SYBU: variants seen among roughly 807,000 people sequenced by gnomAD.
SYBU encodes the protein syntabulin, also known as GOLSYN A protein.
A neutral mutation model predicts 35.9 loss-of-function variants in SYBU; 21 were observed. The ratio of observed to expected loss-of-function variants is 0.58; its 90% CI spans 0.41 to 0.84. The LOEUF is 0.84. Ranked by LOEUF, SYBU falls within the 40% of genes least tolerant of loss-of-function variation. SYBU has a pLI of 0.00. For missense variants in SYBU, 768 were observed against 848.2 expected, an observed-to-expected ratio of 0.91 and a Z score of 1.17; for synonymous variants, 319 against 324.3, an observed-to-expected ratio of 0.98 and a Z score of 0.18.
intron 2 of SYBU, among the ~76,000 whole-genome samples, chr8:109,637,814 A>G (rs1200375625): frequency 6.6e-6 from 1 of 152,200 alleles, no homozygotes; most frequent in Non-Finnish European, 1.5e-5. Context: ...GGCACCAGTC[A>G]GGTTATAATT....
chr8:109,678,661 G>A (rs566142305), intron 1 of SYBU, among the ~76,000 whole-genome samples: 6 of 151,946 alleles, frequency 3.9e-5, no homozygotes, highest in South Asian at 4.2e-4. Context: ...GGATGGTCTC[G>A]ATCTCCTGAC....
In SYBU at chr8:109,652,167, T is replaced by A. The variant is rs377039266; in HGVS notation, c.-129+28544A>T. Among the ~76,000 whole-genome samples, 31 of 152,338 alleles carry A rather than the reference T, an allele frequency of 2.0e-4. No individual in the cohort carries two copies. In the South Asian group the frequency reaches 2.7e-3, roughly 13 times the overall value. On this transcript the variant is annotated intron_variant, in intron 1 of 5. Transcript: ENST00000408889. ...CAGCTGATAAACTATTCAGTGTGTT[T>A]GCATGAGATCTGGACACCCAGAGGG...
chr8:109,655,046 A>G (rs183144199), intron 1 of SYBU, among the ~76,000 whole-genome samples: 4 of 152,264 alleles, frequency 2.6e-5, no homozygotes, highest in Admixed American at 2.0e-4. Context: ...TCTAGCCTCA[A>G]ATGAAATCTT....
chr8:109,644,369 T>G (rs1808765626), intron 1 of SYBU: 2 of 611,762 alleles, frequency 3.3e-6, no homozygotes, highest in Non-Finnish European at 5.9e-6. Flanking sequence ...AACTGAAAGC[T>G]ACACCCCACA....
rs1821948000 is a variant in SYBU at position 109,574,116 on chromosome 8, A to G, written c.*790T>C. ...ATTTTTACAGACCCCCTATTGATAA[A>G]GATGTAAGATCTGCTATTCATTGTC... is the stretch of plus-strand genomic sequence containing the variant. On this transcript the variant is annotated 3_prime_UTR_variant, in exon 7 of 7. Transcript: ENST00000276646. 6.6e-6 allele frequency: 1 copy of G among 152,212 alleles called. No individual in the cohort carries two copies. Among genetic ancestry groups the G allele is most frequent in the South Asian group, 2.1e-4 (1 of 4,830 alleles). The allele number at this position is 152,212 out of a possible 1,614,324, so 9.4% of individuals were successfully genotyped here. A position where few individuals can be genotyped will look rare whatever the true frequency, so the allele number is the denominator to read the frequency against.
At chr8:109,669,822 C>T (rs568536330) in intron 1 of SYBU, among the ~76,000 whole-genome samples, 405 of 152,296 alleles carry the variant, frequency 2.7e-3, no homozygotes, top group Non-Finnish European at 4.4e-3. Context: ...ATTGACATAA[C>T]CTGGATCCTA....
At chr8:109,640,723 GAAAT>G (rs1814758066) in intron 2 of SYBU, among the ~76,000 whole-genome samples, 2 of 144,078 alleles carry the variant, frequency 1.4e-5, no homozygotes, top group African/African-American at 5.2e-5. Flanking sequence ...CAAATATAAA[GAAAT>G]AAGTTTTAAA....
intron 3 of SYBU, among the ~76,000 whole-genome samples, chr8:109,612,008 A>C (rs1206550793): frequency 6.6e-6 from 1 of 151,796 alleles, no homozygotes; most frequent in Non-Finnish European, 1.5e-5. Flanking sequence ...TAATTTTAAC[A>C]CTCTCCTAGT....
chr8:109,667,292 A>AT (rs1406873534), intron 1 of SYBU, among the ~76,000 whole-genome samples: 1 of 151,776 alleles, frequency 6.6e-6, no homozygotes, highest in Non-Finnish European at 1.5e-5. Flanking sequence ...AATTTTTTGT[A>AT]TTTTTAGTAG....
chr8:109,642,787 A>C lies in SYBU; in HGVS notation c.170T>G (p.Phe57Cys), dbSNP rs776706453. 6.2e-7 allele frequency: 1 copy of C among 1,613,760 alleles called. No individual in the cohort carries two copies. The highest frequency in any genetic ancestry group is 1.1e-5 in the South Asian group (1 of 91,014). The change falls in exon 2 of 7, where the codon TTC becomes TGC. Residue 57 changes from phenylalanine to cysteine, a missense_variant. Transcript: ENST00000276646. Reference sequence around the variant, plus strand: ...TGAGCGCCCAGAGCTGCTGGGGTTGAACTCTCTGCTCTCTTCCTCAGAGAA... The same window carrying C: ...TGAGCGCCCAGAGCTGCTGGGGTTGCACTCTCTGCTCTCTTCCTCAGAGAA... ...SPFSEEESRE[F>C]NPSSSGRSAR...
chr8:109,610,260 G>A (rs745779700), intron 3 of SYBU, among the ~76,000 whole-genome samples: 15 of 152,138 alleles, frequency 9.9e-5, no homozygotes, highest in Non-Finnish European at 1.8e-4. Flanking sequence ...TCTCCCCCAC[G>A]TTAAAGGTAG....
At chr8:109,582,395 A>G (rs1352101269) in intron 4 of SYBU, among the ~76,000 whole-genome samples, 1 of 152,220 alleles carries the variant, frequency 6.6e-6, no homozygotes, top group African/African-American at 2.4e-5. Flanking sequence ...AGACACTGAG[A>G]TTCCATGTTT....
chr8:109,593,402 G>A (rs949274897), intron 3 of SYBU, among the ~76,000 whole-genome samples: 27 of 152,152 alleles, frequency 1.8e-4, no homozygotes, highest in Non-Finnish European at 2.9e-4. Context: ...GTACCCCCAC[G>A]GCTCTCCAGA....
chr8:109,593,266 C>T (rs79307138), intron 3 of SYBU, among the ~76,000 whole-genome samples: 3,745 of 152,262 alleles, frequency 0.025, 147 homozygotes, highest in African/African-American at 0.084. Context: ...ATTGCAAGAG[C>T]TCTCTTCAGT....
upstream of SYBU, among the ~76,000 whole-genome samples, chr8:109,684,292 C>T (rs1817469430): frequency 6.6e-6 from 1 of 150,968 alleles, no homozygotes; most frequent in African/African-American, 2.4e-5. Context: ...AGCTAAGCTA[C>T]TAAATCTGTT....
rs746937515 is a variant in SYBU at position 109,578,024 on chromosome 8, C to T, written c.735-7G>A. On this transcript the variant is annotated splice_region_variant and splice_polypyrimidine_tract_variant and intron_variant, in intron 5 of 6. Coordinates refer to ENST00000276646, the MANE Select transcript of SYBU (RefSeq NM_001099754.2). ...CATGTACCTTCCAGAACGCCTGAAACAATCCAAGTAATGAAATGTTACTTT... is the reference window on the plus strand; with the variant it reads ...CATGTACCTTCCAGAACGCCTGAAATAATCCAAGTAATGAAATGTTACTTT... The T allele has an allele frequency of 8.1e-6, 13 of 1,601,802 alleles. No homozygotes were observed. The highest frequency in any genetic ancestry group is 1.1e-5 in the Non-Finnish European group (13 of 1,174,892).
At chr8:109,577,368 T>A (rs1218574019) in intron 6 of SYBU, among the ~76,000 whole-genome samples, 2 of 152,122 alleles carry the variant, frequency 1.3e-5, no homozygotes, top group African/African-American at 4.8e-5. Context: ...GGGCTTTTTT[T>A]TTTTTTCAGC....
Position 109,691,064 on chromosome 8 carries a change from C to T in SYBU, c.-58+269G>A, listed in dbSNP as rs1479899867. On this transcript the variant is annotated intron_variant, in intron 1 of 7. Transcript: ENST00000422135. This position sits in a 1 kb window ranked among gnomAD's most constrained non-coding sequence, Gnocchi z 4.7. ...AATCTTGCTCGTTGCAACAAGGAGT[C>T]CAGCCCGACCGTCTCAACAACCAAT... Among the ~76,000 whole-genome samples the T allele has an allele frequency of 1.3e-5, 2 of 152,180 alleles. No homozygotes were observed. The highest frequency in any genetic ancestry group is 1.5e-5 in the Non-Finnish European group (1 of 68,028).
intron 3 of SYBU, among the ~76,000 whole-genome samples, chr8:109,613,636 T>C (rs897772303): frequency 6.6e-6 from 1 of 152,046 alleles, no homozygotes; most frequent in Non-Finnish European, 1.5e-5. Flanking sequence ...AACTCCCCTC[T>C]AGGTTGTTCA....
Sources: gnomAD v4.1 joint callset for allele counts (sites outside exome capture counted in the v4.1 genomes callset) on GRCh38, gnomAD v4.1.1 for gene constraint, Gnocchi (gnomAD v3.1) non-coding constraint, MANE v1.5 for transcripts, NCBI Gene and HGNC (gene_info 2026-07-23, HGNC 2026-07-21) for gene names.